The following MIB1 variants were observed in gnomAD, a reference collection of about 807,000 sequenced individuals.
MIB1 encodes MIB E3 ubiquitin protein ligase 1.
In MIB1, 278 loss-of-function variants were observed where a neutral mutation model predicts 124.5. The observed-to-expected ratio is 2.23, with a 90% CI of 2.02 to 2.47. The LOEUF is 2.47. Among genes scored for constraint, MIB1 ranks in the 30% most tolerant of loss-of-function variants. The pLI is 0.00. For missense variants in MIB1, 957 were observed against 1,254.4 expected (o/e 0.76, Z 3.58); for synonymous variants, 446 against 429.4 (o/e 1.04, Z -0.48).
At chr18:21,745,710 A>AC (rs1568183975) in intron 1 of MIB1, among the ~76,000 whole-genome samples, 9 of 146,036 alleles carry the variant, frequency 6.2e-5, no homozygotes, top group East Asian at 2.0e-4. Context: ...ACACACACAC[A>AC]AAATTTTATT....
At chr18:21,710,689 G>A (rs1199658459) in intron 1 of MIB1, among the ~76,000 whole-genome samples, 1 of 151,944 alleles carries the variant, frequency 6.6e-6, no homozygotes, top group Non-Finnish European at 1.5e-5. Context: ...GTTCAAGACT[G>A]CAGTGAGGGA....
intron 4 of MIB1, among the ~76,000 whole-genome samples, chr18:21,775,558 A>G (rs998206302): frequency 6.6e-6 from 1 of 152,224 alleles, no homozygotes; most frequent in Non-Finnish European, 1.5e-5. Context: ...TGCCACTTAT[A>G]TATTAAAAGC....
In MIB1 at chr18:21,803,916, CA is replaced by C; in HGVS notation, c.1383del (p.Gln461HisfsTer20). ...LKRPDVDVNG[Q>X]CAGHTAMQAA... is the part of the protein sequence containing the mutation. ...TTTTTAAAAAATGTAGGTAAATGGG[CA>C]ATGTGCTGGCCACACAGCTATGCAA... On this transcript the variant is annotated frameshift_variant, in exon 10 of 21. Coordinates refer to ENST00000261537, the MANE Select transcript of MIB1 (RefSeq NM_020774.4). LOFTEE classifies it high-confidence loss of function. 6.2e-7 allele frequency: 1 copy of C among 1,611,472 alleles called. No individual in the cohort carries two copies. Among genetic ancestry groups the C allele is most frequent in the Non-Finnish European group, 8.5e-7 (1 of 1,178,396 alleles).
intron 1 of MIB1, among the ~76,000 whole-genome samples, chr18:21,756,063 T>G (rs532546539): frequency 2.2e-4 from 33 of 152,322 alleles, no homozygotes; most frequent in African/African-American, 7.9e-4. Flanking sequence ...CCCCCCAGTT[T>G]CTTTGCAGGG....
chr18:21,756,661 G>A (rs1034590483), intron 1 of MIB1, among the ~76,000 whole-genome samples: 2 of 151,954 alleles, frequency 1.3e-5, no homozygotes, highest in Non-Finnish European at 2.9e-5. Flanking sequence ...ATGGGGTTTC[G>A]CCATGTTGGC....
chr18:21,828,005 G>A (rs1489489436), intron 12 of MIB1: 1 of 151,880 alleles, frequency 6.6e-6, no homozygotes, highest in Non-Finnish European at 1.5e-5. Flanking sequence ...AACAGGTACT[G>A]CTTATAAATT....
Position 21,768,628 on chromosome 18 carries a change from T to G in MIB1, c.407T>G (p.Leu136Arg). ...RITTPGSERV[L>R]LESRRKSKKI... ...ATAAATAATTTTATTTTTAGGGTTC[T>G]GTTAGAGTCTCGTAGGAAATCTAAG... The change falls in exon 3 of 21, where the codon CTG (leucine) becomes CGG (arginine). Residue 136 changes from leucine (L) to arginine (R), a missense_variant. Physicochemically the swap from Leu to Arg is moderately radical, Grantham distance 102. Transcript: ENST00000261537. 1 of 1,554,158 alleles carries G rather than the reference T, an allele frequency of 6.4e-7. No homozygotes were observed. The highest frequency in any genetic ancestry group is 1.2e-5 in the South Asian group (1 of 82,872).
intron 17 of MIB1, among the ~76,000 whole-genome samples, chr18:21,849,715 A>G (rs1437523078): frequency 6.6e-6 from 1 of 152,048 alleles, no homozygotes; most frequent in Non-Finnish European, 1.5e-5. Flanking sequence ...ATTATCTACC[A>G]TTTTGCTTTC....
At chr18:21,707,049 T>A (rs1326754174) in intron 1 of MIB1, among the ~76,000 whole-genome samples, 1 of 152,188 alleles carries the variant, frequency 6.6e-6, no homozygotes, top group African/African-American at 2.4e-5. Context: ...CAGCACTCAG[T>A]GTCTAGCTCA....
rs2146397032 is a variant in MIB1, at chr18:21,758,599, G to A, written c.230-7173G>A. Among the ~76,000 whole-genome samples, 4 of 151,880 alleles carry A rather than the reference G, an allele frequency of 2.6e-5. No homozygotes were observed. In the South Asian group the frequency reaches 8.3e-4, roughly 32 times the overall value. On this transcript the variant is annotated intron_variant, in intron 1 of 20. Coordinates refer to ENST00000261537, the MANE Select transcript of MIB1 (RefSeq NM_020774.4). ...ACCCAGGCTGGAGTGCAATGGCGTG[G>A]TCTTGACTCACTGCAACCTCCGCCT...
At chr18:21,730,764 T>C (rs1012012691) in intron 1 of MIB1, among the ~76,000 whole-genome samples, 13 of 152,384 alleles carry the variant, frequency 8.5e-5, no homozygotes, top group African/African-American at 2.9e-4. Context: ...ATTTATATAA[T>C]GCAACTAAAT....
chr18:21,769,021 G>A (rs1424673205), intron 3 of MIB1, among the ~76,000 whole-genome samples: 2 of 152,056 alleles, frequency 1.3e-5, no homozygotes, highest in Middle Eastern at 3.2e-3. Flanking sequence ...TTTTCTGAAC[G>A]CATTTGGGCC....
At chr18:21,831,381 G>A (rs769246435) in intron 12 of MIB1, 2 of 151,042 alleles carry the variant, frequency 1.3e-5, no homozygotes, top group Admixed American at 6.7e-5. Context: ...TGGTCACTAC[G>A]AGGCTAACTT....
At chr18:21,851,969 A>G (rs993340394) in intron 17 of MIB1, among the ~76,000 whole-genome samples, 1 of 152,220 alleles carries the variant, frequency 6.6e-6, no homozygotes, top group Non-Finnish European at 1.5e-5. Context: ...GACAAATGCA[A>G]TGGAAATCAT....
chr18:21,846,859 C>A, intron 15 of MIB1, 85 bp from the exon 16 acceptor site: 1 of 1,294,148 alleles, frequency 7.7e-7, no homozygotes, highest in Admixed American at 1.9e-5. Flanking sequence ...CATAAGTGTC[C>A]ACCACACACA....
intron 1 of MIB1, among the ~76,000 whole-genome samples, chr18:21,718,421 A>G (rs2040699365): frequency 1.3e-5 from 2 of 152,182 alleles, no homozygotes; most frequent in Non-Finnish European, 2.9e-5. Flanking sequence ...AGAAAGAAAA[A>G]AATAGCTGGT....
At chr18:21,729,075 G>C (rs577041564) in intron 1 of MIB1, among the ~76,000 whole-genome samples, 2 of 152,194 alleles carry the variant, frequency 1.3e-5, no homozygotes, top group South Asian at 4.1e-4. Flanking sequence ...ATCTCAGGCA[G>C]GTGCCTGCAG....
intron 10 of MIB1, among the ~76,000 whole-genome samples, chr18:21,813,400 A>C (rs1432689133): frequency 6.6e-6 from 1 of 152,092 alleles, no homozygotes; most frequent in Non-Finnish European, 1.5e-5. Flanking sequence ...ATATAATGCT[A>C]CTCAGAGGCA....
intron 1 of MIB1, among the ~76,000 whole-genome samples, chr18:21,747,826 A>C (rs2040928554): frequency 6.6e-6 from 1 of 152,182 alleles, no homozygotes; most frequent in Non-Finnish European, 1.5e-5. Context: ...ATTGCTAGCT[A>C]GTGTGATATC....
Sources: gnomAD v4.1 joint callset for allele counts (sites outside exome capture counted in the v4.1 genomes callset) on GRCh38, gnomAD v4.1.1 for gene constraint, MANE v1.5 for transcripts, NCBI Gene and HGNC (gene_info 2026-07-23, HGNC 2026-07-21) for gene names.